SERPINB13: variants seen among roughly 807,000 people sequenced by gnomAD.
The protein encoded by SERPINB13 is serpin family B member 13.
A neutral mutation model predicts 31.2 loss-of-function variants in SERPINB13; 26 were observed. That is an observed-to-expected ratio of 0.83 (90% CI 0.61 to 1.15). The LOEUF (loss-of-function observed/expected upper bound fraction) is 1.15. Ranked by LOEUF, SERPINB13 falls within the 50% of genes most tolerant of loss-of-function variation. The pLI is 0.00. For synonymous variants in SERPINB13, 191 were observed against 172.4 expected, an observed-to-expected ratio of 1.11 and a Z score of -0.85; for missense variants, 510 against 469.4, an observed-to-expected ratio of 1.09 and a Z score of -0.80.
intron 3 of SERPINB13, 114 bp downstream of exon 3, chr18:63,589,829 C>G: frequency 6.4e-7 from 1 of 1,566,446 alleles, no homozygotes; most frequent in East Asian, 2.3e-5. Flanking sequence ...GGCATGAAAG[C>G]AATATTGTTG....
intron 3 of SERPINB13, 165 bp downstream of exon 3, chr18:63,589,880 G>A: frequency 7.4e-7 from 1 of 1,345,976 alleles, no homozygotes; most frequent in Non-Finnish European, 1.0e-6. Context: ...GACAAATATT[G>A]TTGTAAGGAT....
At chr18:63,591,208 T>G (rs1338159249) in intron 3 of SERPINB13, among the ~76,000 whole-genome samples, 1 of 152,226 alleles carries the variant, frequency 6.6e-6, no homozygotes, top group Non-Finnish European at 1.5e-5. Context: ...ATTTATTATT[T>G]CATTACATGC....
intron 5 of SERPINB13, among the ~76,000 whole-genome samples, chr18:63,593,679 A>G (rs1242556445): frequency 6.6e-6 from 1 of 150,722 alleles, no homozygotes; most frequent in Non-Finnish European, 1.5e-5. Flanking sequence ...TATACCAATT[A>G]TCAGAGAGAA....
Position 63,592,848 on chromosome 18 carries a change from C to T in SERPINB13, c.355-6C>T, listed in dbSNP as rs755561848. ...TCTTTTTATTCCTTCCTTGTTTCTC[C>T]TAAAGAAATACTTAGATTATGTTGA... is the stretch of plus-strand genomic sequence containing the variant. On this transcript the variant is annotated splice_polypyrimidine_tract_variant and splice_region_variant and intron_variant, in intron 4 of 7. Transcript: ENST00000344731. 27 of 1,530,954 alleles carry T rather than the reference C, an allele frequency of 1.8e-5. No individual in the cohort carries two copies. In the Admixed American group the frequency reaches 5.1e-4, roughly 29 times the overall value. The allele number at this position is 1,530,954 out of a possible 1,614,324, so 94.8% of individuals were successfully genotyped here. A position where few individuals can be genotyped will look rare whatever the true frequency, so the allele number is the denominator to read the frequency against.
rs1912287542 is a variant in SERPINB13 at position 63,598,004 on chromosome 18, A to G, written c.*641A>G. ...AATGTGGTATTTGAGAAGATAAATG[A>G]TGTAGTTGATCAGTATTCCTCCTCT... On this transcript the variant is annotated 3_prime_UTR_variant, in exon 8 of 8. Coordinates refer to ENST00000344731, the MANE Select transcript of SERPINB13 (RefSeq NM_012397.4). 1 of 152,146 alleles carries G rather than the reference A, an allele frequency of 6.6e-6. No homozygotes were observed. The highest frequency in any genetic ancestry group is 6.6e-5 in the Admixed American group (1 of 15,264). 9.4% of individuals were successfully genotyped at this position (152,146 alleles called of 1,614,324 possible). A position where few individuals can be genotyped will look rare whatever the true frequency, so the allele number is the denominator to read the frequency against.
At chr18:63,590,521 C>T (rs973846787) in intron 3 of SERPINB13, among the ~76,000 whole-genome samples, 1 of 152,212 alleles carries the variant, frequency 6.6e-6, no homozygotes, top group African/African-American at 2.4e-5. Flanking sequence ...GAGGGTCAGG[C>T]TTCCTTTCAG....
Position 63,594,287 on chromosome 18 carries a change from A to G in SERPINB13, c.473-68A>G, listed in dbSNP as rs775079263. ...ATGATCAGTCAAGTCCATCTGCATC[A>G]TATTTGTCATACATATTATTTGTCA... On this transcript the variant is annotated intron_variant, in intron 5 of 7. Transcript: ENST00000344731. 2.5e-6 allele frequency: 4 copies of G among 1,602,782 alleles called. No homozygotes were observed. The South Asian group carries it at 3.3e-5, about 13-fold the overall frequency.
intron 6 of SERPINB13, among the ~76,000 whole-genome samples, 188 bp from the exon 7 acceptor site, chr18:63,594,841 C>T (rs1206625665): frequency 6.6e-6 from 1 of 151,744 alleles, no homozygotes; most frequent in South Asian, 2.1e-4. Context: ...CCATCCCCCA[C>T]CCCCCCAAAA....
At position 63,597,473 on chromosome 18, in the gene SERPINB13, C is replaced by G. The variant is rs1206496781; in HGVS notation, c.*110C>G. On this transcript the variant is annotated 3_prime_UTR_variant, in exon 8 of 8. Transcript: ENST00000344731. ...TTAAATGTTGTCTCACTTGCATTTC[C>G]AGTCTTGGCCATCAAATCAATGATT... 11 of 1,146,938 alleles carry G rather than the reference C, an allele frequency of 9.6e-6. No homozygotes were observed. The highest frequency in any genetic ancestry group is 1.4e-5 in the Non-Finnish European group (11 of 812,332). 71.0% of individuals were successfully genotyped at this position (1,146,938 alleles called of 1,614,324 possible). A position where few individuals can be genotyped will look rare whatever the true frequency, so the allele number is the denominator to read the frequency against.
chr18:63,597,234 C>A lies in SERPINB13; in HGVS notation c.1047C>A (p.Thr349=), dbSNP rs1020693. 1.9e-6 allele frequency: 3 copies of A among 1,614,024 alleles called. No homozygotes were observed. The highest frequency in any genetic ancestry group is 2.5e-6 in the Non-Finnish European group (3 of 1,179,994). Residue 349 remains threonine, a synonymous_variant, in exon 8 of 8, where the codon ACC becomes ACA. Coordinates refer to ENST00000344731, the MANE Select transcript of SERPINB13 (RefSeq NM_012397.4). ...TEEGTEAAAA[T]GIGFTVTSAP... ...AAGGCACCGAGGCTGCAGCTGCCAC[C>A]GGCATAGGCTTTACTGTCACATCCG... is the stretch of plus-strand genomic sequence containing the variant.
chr18:63,589,707 A>G lies in SERPINB13; in HGVS notation c.217A>G (p.Lys73Glu), dbSNP rs1568143754. 1 of 1,613,528 alleles carries G rather than the reference A, an allele frequency of 6.2e-7. No homozygotes were observed. ...TKSSRIKAEE[K>E]EVIENTEAVH... ...GAGCTCAAGAATAAAGGCTGAAGAA[A>G]AAGAGGTGGTAAGAATAAAGGCTGA... is the stretch of plus-strand genomic sequence containing the variant. Residue 73 changes from lysine (K) to glutamate (E), a missense_variant, in exon 3 of 8, where the codon AAA (lysine) becomes GAA (glutamate). Physicochemically the swap from Lys to Glu is moderately conservative, Grantham distance 56. Coordinates refer to ENST00000344731, the MANE Select transcript of SERPINB13 (RefSeq NM_012397.4).
intron 4 of SERPINB13, 21 bp downstream of exon 4, chr18:63,592,497 A>T (rs747469238): frequency 6.2e-7 from 1 of 1,610,464 alleles, no homozygotes; most frequent in Non-Finnish European, 8.5e-7. Context: ...CATGCCTACC[A>T]TATCTGTGAG....
chr18:63,587,717 G>A (rs971254983), intron 1 of SERPINB13, among the ~76,000 whole-genome samples: 2 of 152,232 alleles, frequency 1.3e-5, no homozygotes, highest in South Asian at 4.1e-4. Flanking sequence ...TAGCGGGGAT[G>A]AGCCCTTGAG....
rs1468589168 is a variant in SERPINB13, at chr18:63,592,289, G to A, written c.226-59G>A. Reference sequence around the variant, plus strand: ...ACCCAGCAGCCGCATCCTCTTAGGGGAGAATCTGGGCTTGCTTTTGCCAAG... The same window carrying A: ...ACCCAGCAGCCGCATCCTCTTAGGGAAGAATCTGGGCTTGCTTTTGCCAAG... On this transcript the variant is annotated intron_variant, in intron 3 of 7. Coordinates refer to ENST00000344731, the MANE Select transcript of SERPINB13 (RefSeq NM_012397.4). The A allele has an allele frequency of 5.3e-5, 83 of 1,572,818 alleles. No homozygotes were observed. In the South Asian group the frequency reaches 9.1e-4, roughly 17 times the overall value.
rs1180146557 is a variant in SERPINB13, at chr18:63,597,345, C to T, written c.1158C>T (p.Gly386=). ...AATCCAACAGCATCCTCTTCTTCGGCAGATTTTCTTCTCCTTAAGATGATC... is the reference window on the plus strand; with the variant it reads ...AATCCAACAGCATCCTCTTCTTCGGTAGATTTTCTTCTCCTTAAGATGATC... ...HNESNSILFF[G]RFSSP is the part of the protein sequence containing the mutation. Residue 386 remains glycine (G), a synonymous_variant, in exon 8 of 8, where the codon GGC becomes GGT. Transcript: ENST00000344731. 5.0e-6 allele frequency: 8 copies of T among 1,612,478 alleles called. No homozygotes were observed. The highest frequency in any genetic ancestry group is 6.8e-6 in the Non-Finnish European group (8 of 1,179,198).
intron 1 of SERPINB13, among the ~76,000 whole-genome samples, chr18:63,588,167 CT>C (rs1911620657): frequency 6.6e-6 from 1 of 152,162 alleles, no homozygotes; most frequent in Non-Finnish European, 1.5e-5. Context: ...GGATTCAAGT[CT>C]CGGCTTAATT....
rs540558082 is a variant in SERPINB13, at chr18:63,593,671, T to C, written c.473-684T>C. 2.6e-5 allele frequency among the ~76,000 whole-genome samples: 4 copies of C among 152,066 alleles called. No individual in the cohort carries two copies. In the South Asian group the frequency reaches 8.3e-4, roughly 32 times the overall value. The stretch of plus-strand genomic sequence containing the variant: ...GTTAGAGTTTCAGATTCCATTTTTA[T>C]ACCAATTATCAGAGAGAACTTTGTT... On this transcript the variant is annotated intron_variant, in intron 5 of 7. Coordinates refer to ENST00000344731, the MANE Select transcript of SERPINB13 (RefSeq NM_012397.4).
At chr18:63,589,179 G>C (rs1911695026) in intron 2 of SERPINB13, among the ~76,000 whole-genome samples, 1 of 152,046 alleles carries the variant, frequency 6.6e-6, no homozygotes, top group Non-Finnish European at 1.5e-5. Flanking sequence ...GAGTTCCTTA[G>C]AAAAAAATTA....
intron 2 of SERPINB13, 112 bp from the exon 3 acceptor site, chr18:63,589,544 C>T: frequency 7.4e-7 from 1 of 1,349,092 alleles, no homozygotes; most frequent in Non-Finnish European, 1.0e-6. Flanking sequence ...GAGATAATGT[C>T]ACCTCATATA....
Sources: gnomAD v4.1 joint callset for allele counts (sites outside exome capture counted in the v4.1 genomes callset) on GRCh38, gnomAD v4.1.1 for gene constraint, MANE v1.5 for transcripts, NCBI Gene and HGNC (gene_info 2026-07-23, HGNC 2026-07-21) for gene names.